GALNT1: variants seen among roughly 807,000 people sequenced by gnomAD.
The protein encoded by GALNT1 is polypeptide N-acetylgalactosaminyltransferase 1.
GALNT1 carries 17 observed loss-of-function variants against 65.7 expected under a neutral mutation model. The ratio of observed to expected loss-of-function variants is 0.26; its 90% CI spans 0.18 to 0.39. The LOEUF (loss-of-function observed/expected upper bound fraction) is 0.39. Among genes scored for constraint, GALNT1 ranks in the 10% least tolerant of loss-of-function variants. GALNT1 has a pLI of 1.00. For synonymous variants in GALNT1, 210 were observed against 219.7 expected (o/e 0.96, Z 0.39); for missense variants, 460 against 672.8 (o/e 0.68, Z 3.50).
intron 1 of GALNT1, among the ~76,000 whole-genome samples, chr18:35,652,680 G>A (rs952862525): frequency 3.3e-5 from 5 of 152,004 alleles, no homozygotes; most frequent in Non-Finnish European, 5.9e-5. Context: ...TTAAATCTGG[G>A]AATCATTTTT....
At chr18:35,630,622 C>G (rs931061550) in intron 1 of GALNT1, among the ~76,000 whole-genome samples, 1 of 152,026 alleles carries the variant, frequency 6.6e-6, no homozygotes, top group South Asian at 2.1e-4. Flanking sequence ...AAATTGACAC[C>G]GTAACATCAC....
At chr18:35,624,723 T>C (rs2046894742) in intron 1 of GALNT1, among the ~76,000 whole-genome samples, 1 of 152,204 alleles carries the variant, frequency 6.6e-6, no homozygotes, top group African/African-American at 2.4e-5. Flanking sequence ...AATTAGTTGT[T>C]ACCTTTTAAT....
In GALNT1 at chr18:35,682,176, TA is replaced by T. The variant is rs113061970; in HGVS notation, c.482-1214del. 6.4e-3 allele frequency among the ~76,000 whole-genome samples: 975 copies of T among 152,266 alleles called. 19 individuals carry two copies. Among genetic ancestry groups the T allele is most frequent in the African/African-American group, 0.022 (925 of 41,560 alleles). On this transcript the variant is annotated intron_variant, in intron 4 of 11. Coordinates refer to ENST00000269195, the MANE Select transcript of GALNT1 (RefSeq NM_020474.4). Reference sequence around the variant, plus strand: ...TCAGATAACTTTTTAGCTCAAATATTAGAAAATATATTAGCAGAAATGGGAA... The same window carrying T: ...TCAGATAACTTTTTAGCTCAAATATTGAAAATATATTAGCAGAAATGGGAA...
intron 1 of GALNT1, among the ~76,000 whole-genome samples, chr18:35,651,996 A>G (rs1036079154): frequency 6.6e-6 from 1 of 151,770 alleles, no homozygotes; most frequent in African/African-American, 2.4e-5. Context: ...TTGGAACTTT[A>G]TCTTCAATTT....
chr18:35,694,430 G>T (rs549774715), intron 9 of GALNT1, among the ~76,000 whole-genome samples: 1 of 152,298 alleles, frequency 6.6e-6, no homozygotes, highest in South Asian at 2.1e-4. Flanking sequence ...AATGACACAT[G>T]TTGGCAAGGA....
chr18:35,661,959 T>C (rs2047483253), intron 2 of GALNT1, among the ~76,000 whole-genome samples: 1 of 152,224 alleles, frequency 6.6e-6, no homozygotes, highest in African/African-American at 2.4e-5. Context: ...CTACTCTTTA[T>C]GTTATCTGTG....
intron 1 of GALNT1, among the ~76,000 whole-genome samples, chr18:35,598,040 TC>T (rs1314005590): frequency 2.2e-5 from 1 of 45,082 alleles, no homozygotes; most frequent in African/African-American, 9.9e-5. Flanking sequence ...TCCCATCCCC[TC>T]CCCTCCCTTC....
At chr18:35,672,522 C>CT (rs2047651333) in intron 3 of GALNT1, among the ~76,000 whole-genome samples, 1 of 152,118 alleles carries the variant, frequency 6.6e-6, no homozygotes, top group Non-Finnish European at 1.5e-5. Context: ...AGAAACCTTG[C>CT]TTATGTTCTA....
intron 10 of GALNT1, 22 bp from the exon 11 acceptor site, chr18:35,703,483 TTATG>T (rs759000860): frequency 6.2e-7 from 1 of 1,606,974 alleles, no homozygotes; most frequent in Non-Finnish European, 8.5e-7. Context: ...TTTTTTCTGT[TTATG>T]TGTGTGCATT....
At position 35,677,753 on chromosome 18, in the gene GALNT1, A is replaced by G; in HGVS notation, c.477A>G (p.Glu159=). Residue 159 remains glutamate, a synonymous_variant, in exon 4 of 12, where the codon GAA becomes GAG. Coordinates refer to ENST00000269195, the MANE Select transcript of GALNT1 (RefSeq NM_020474.4). The part of the protein sequence containing the change: ...EEIVLVDDAS[E]RDFLKRPLES... Reference sequence around the variant, plus strand: ...TTGTTCTAGTAGATGATGCCAGTGAAAGAGGTAAATTTTAAATTTTAATGC... The same window carrying G: ...TTGTTCTAGTAGATGATGCCAGTGAGAGAGGTAAATTTTAAATTTTAATGC... 1 of 1,596,608 alleles carries G rather than the reference A, an allele frequency of 6.3e-7. No homozygotes were observed. The highest frequency in any genetic ancestry group is 8.5e-7 in the Non-Finnish European group (1 of 1,169,958).
intron 5 of GALNT1, among the ~76,000 whole-genome samples, chr18:35,686,330 C>CT (rs1296971721): frequency 1.3e-5 from 2 of 152,102 alleles, no homozygotes; most frequent in African/African-American, 4.8e-5. Context: ...ACAGAATTTT[C>CT]TTTGAGAGAC....
intron 1 of GALNT1, among the ~76,000 whole-genome samples, chr18:35,631,594 A>G (rs2047011154): frequency 6.6e-6 from 1 of 152,216 alleles, no homozygotes; most frequent in Non-Finnish European, 1.5e-5. Flanking sequence ...ACCCACAGCC[A>G]ATATCATACT....
At chr18:35,698,375 G>A (rs548457577) in intron 9 of GALNT1, among the ~76,000 whole-genome samples, 19 of 151,852 alleles carry the variant, frequency 1.3e-4, no homozygotes, top group African/African-American at 3.9e-4. Flanking sequence ...AGGCTGAGGC[G>A]CGAGAATTGC....
At chr18:35,597,552 T>G (rs1472387255) in intron 1 of GALNT1, 6 of 152,372 alleles carry the variant, frequency 3.9e-5, no homozygotes, top group Admixed American at 6.5e-5. Context: ...TATTGGCCCT[T>G]TACATGCTGC....
chr18:35,661,874 T>C (rs2047482265), intron 2 of GALNT1, among the ~76,000 whole-genome samples: 1 of 152,190 alleles, frequency 6.6e-6, no homozygotes, highest in Non-Finnish European at 1.5e-5. Flanking sequence ...GATTTTTCTA[T>C]AAAGCATTTT....
At chr18:35,697,150 G>A (rs560399673) in intron 9 of GALNT1, among the ~76,000 whole-genome samples, 4 of 152,232 alleles carry the variant, frequency 2.6e-5, no homozygotes, top group South Asian at 4.1e-4. Context: ...GAAAACCAAC[G>A]GTTACTGTGT....
At chr18:35,589,416 T>C (rs2046417414) in intron 1 of GALNT1, among the ~76,000 whole-genome samples, 1 of 152,168 alleles carries the variant, frequency 6.6e-6, no homozygotes, top group Non-Finnish European at 1.5e-5. Context: ...TTCTGTGATG[T>C]TTGTCTGGAG....
chr18:35,702,891 C>CTTATTTATTGT lies in GALNT1; in HGVS notation c.1300-6_1300-5insTTATTTATTGT. The CTTATTTATTGT allele has an allele frequency of 6.4e-7, 1 of 1,572,310 alleles. No homozygotes were observed. Among genetic ancestry groups the CTTATTTATTGT allele is most frequent in the African/African-American group, 1.4e-5 (1 of 73,474 alleles). On this transcript the variant is annotated splice_region_variant and splice_polypyrimidine_tract_variant and intron_variant, in intron 9 of 11. Transcript: ENST00000269195. Reference sequence around the variant, plus strand: ...CCTGATATTTTCATTATTTATTGTCCCATAGATACGAAATGTGGAAACGAA... The same window carrying CTTATTTATTGT: ...CCTGATATTTTCATTATTTATTGTCCTTATTTATTGTCATAGATACGAAATGTGGAAACGAA...
intron 1 of GALNT1, among the ~76,000 whole-genome samples, chr18:35,619,434 A>G (rs1211986105): frequency 6.6e-6 from 1 of 152,200 alleles, no homozygotes; most frequent in African/African-American, 2.4e-5. Context: ...ATCTAAGGGT[A>G]CTACTGTCCT....
Sources: allele counts gnomAD v4.1 joint callset (sites outside exome capture counted in the v4.1 genomes callset), GRCh38; gene constraint gnomAD v4.1.1; transcripts MANE v1.5; gene names NCBI Gene and HGNC (gene_info 2026-07-23, HGNC 2026-07-21).